CCDC178: variants seen among roughly 807,000 people sequenced by gnomAD.
CCDC178 encodes coiled-coil domain-containing protein 178.
In CCDC178, 126 loss-of-function variants were observed where a neutral mutation model predicts 117.4. The observed-to-expected ratio is 1.07, with a 90% CI of 0.93 to 1.24. The LOEUF (loss-of-function observed/expected upper bound fraction) is 1.24. CCDC178 is among the 50% of genes most tolerant of loss of function. CCDC178 has a pLI of 0.00. For synonymous variants in CCDC178, 283 were observed against 313.4 expected (o/e 0.90, Z 1.02); for missense variants, 1,030 against 986.9 (o/e 1.04, Z -0.59).
At chr18:33,190,487 T>G (rs1205120903) in intron 20 of CCDC178, among the ~76,000 whole-genome samples, 2 of 152,190 alleles carry the variant, frequency 1.3e-5, no homozygotes, top group African/African-American at 4.8e-5. Context: ...GTTTCTTCCT[T>G]TCTATAATTT....
chr18:33,368,474 A>G (rs2144752443), intron 6 of CCDC178, among the ~76,000 whole-genome samples: 1 of 152,032 alleles, frequency 6.6e-6, no homozygotes, highest in East Asian at 1.9e-4. Context: ...TTACATGAGA[A>G]TAGCTCTTTT....
intron 12 of CCDC178, among the ~76,000 whole-genome samples, chr18:33,288,323 C>T (rs1343996957): frequency 1.8e-5 from 2 of 113,300 alleles, no homozygotes; most frequent in Non-Finnish European, 3.7e-5. Flanking sequence ...CTCTCCCCTC[C>T]TCTTCCCTCC....
At chr18:33,188,048 G>A (rs1054706158) in intron 20 of CCDC178, among the ~76,000 whole-genome samples, 3 of 152,076 alleles carry the variant, frequency 2.0e-5, no homozygotes, top group Non-Finnish European at 4.4e-5. Context: ...GAGTGACCTG[G>A]GGAAATATTC....
At chr18:33,433,353 T>C (rs1457387701) in intron 2 of CCDC178, among the ~76,000 whole-genome samples, 1 of 152,176 alleles carries the variant, frequency 6.6e-6, no homozygotes, top group Non-Finnish European at 1.5e-5. Context: ...TTCTAGTTCA[T>C]ATGAGCTACC....
At chr18:33,227,968 T>G (rs530255035) in intron 15 of CCDC178, among the ~76,000 whole-genome samples, 5 of 152,348 alleles carry the variant, frequency 3.3e-5, no homozygotes, top group African/African-American at 9.6e-5. Context: ...TTCAGTTTGT[T>G]TATTATTTAA....
At chr18:33,314,516 G>C (rs6507011) in intron 11 of CCDC178, among the ~76,000 whole-genome samples, 40,926 of 151,834 alleles carry the variant, frequency 0.27, 5,786 homozygotes, top group East Asian at 0.49. Flanking sequence ...AAATAAAACT[G>C]AAGCCTTGTG....
rs1291543197 is a variant in CCDC178, at chr18:32,974,547, C to T, written c.2523G>A (p.Gln841=). 6.2e-7 allele frequency: 1 copy of T among 1,613,168 alleles called. No individual in the cohort carries two copies. The highest frequency in any genetic ancestry group is 1.3e-5 in the African/African-American group (1 of 74,900). ...QESIQKILAV[Q]EESSNLMQHI... The stretch of plus-strand genomic sequence containing the variant: ...TTCCTACTTCCCTGCAATCACCTAC[C>T]TGCACAGCTAATATTTTCTGAATAC... The change falls in exon 22 of 23, where the codon CAG becomes CAA. Residue 841 remains glutamine (Q), a splice_region_variant and synonymous_variant. Transcript: ENST00000383096.
intron 20 of CCDC178, among the ~76,000 whole-genome samples, chr18:33,207,311 T>C (rs1599000455): frequency 6.6e-6 from 1 of 152,212 alleles, no homozygotes; most frequent in African/African-American, 2.4e-5. Context: ...TATTCTAAAT[T>C]AAATGTTTGT....
intron 21 of CCDC178, among the ~76,000 whole-genome samples, chr18:33,046,819 G>T (rs953096641): frequency 6.6e-6 from 1 of 152,234 alleles, no homozygotes; most frequent in South Asian, 2.1e-4. Flanking sequence ...CCCTACAGAA[G>T]AGGGACCTGA....
chr18:32,961,239 G>A (rs1266845415), intron 22 of CCDC178, among the ~76,000 whole-genome samples: 1 of 151,904 alleles, frequency 6.6e-6, no homozygotes, highest in Non-Finnish European at 1.5e-5. Flanking sequence ...TCTACTTTAA[G>A]TTTTCTCAAT....
intron 5 of CCDC178, among the ~76,000 whole-genome samples, chr18:33,380,009 G>C (rs1416656626): frequency 6.6e-6 from 1 of 152,106 alleles, no homozygotes; most frequent in Non-Finnish European, 1.5e-5. Context: ...TAAAGAGAAG[G>C]CCAGCTTAGG....
chr18:33,220,003 A>G (rs1379564758), intron 18 of CCDC178, among the ~76,000 whole-genome samples: 4 of 152,060 alleles, frequency 2.6e-5, no homozygotes, highest in African/African-American at 9.7e-5. Context: ...TGTTAGCAAT[A>G]AGAACTTTCA....
At chr18:33,154,292 G>A (rs975682837) in intron 20 of CCDC178, among the ~76,000 whole-genome samples, 1 of 152,062 alleles carries the variant, frequency 6.6e-6, no homozygotes, top group Admixed American at 6.6e-5. Flanking sequence ...AAAAATCAAC[G>A]GACTTCAGAG....
intron 2 of CCDC178, among the ~76,000 whole-genome samples, chr18:33,436,958 CTT>C (rs551426330): frequency 6.6e-6 from 1 of 152,058 alleles, no homozygotes; most frequent in African/African-American, 2.4e-5. Context: ...CCTCTAGGTC[CTT>C]TTTCATGCAT....
chr18:33,215,169 T>G (rs1201818491), intron 19 of CCDC178, among the ~76,000 whole-genome samples: 1 of 151,946 alleles, frequency 6.6e-6, no homozygotes, highest in Non-Finnish European at 1.5e-5. Flanking sequence ...AATATCTGAG[T>G]CTGAACTCTT....
rs1040466196 is a variant in CCDC178, at chr18:33,125,053, A to AT, written c.2239-32144dup. Reference sequence around the variant, plus strand: ...AGTGTTTAGCACCTGTTGCCAGGAGATTTTTTTTTTCCTGTTTTTGGCAAT... The same window carrying AT: ...AGTGTTTAGCACCTGTTGCCAGGAGATTTTTTTTTTTCCTGTTTTTGGCAAT... On this transcript the variant is annotated intron_variant, in intron 20 of 22. Coordinates refer to ENST00000383096, the MANE Select transcript of CCDC178 (RefSeq NM_001105528.4). Among the ~76,000 whole-genome samples, 521 of 149,722 alleles carry AT rather than the reference A, an allele frequency of 3.5e-3. 4 individuals carry two copies. The highest frequency in any genetic ancestry group is 0.01 in the Middle Eastern group (3 of 290).
chr18:33,127,747 A>G (rs1399139312), intron 20 of CCDC178, among the ~76,000 whole-genome samples: 1 of 152,074 alleles, frequency 6.6e-6, no homozygotes, highest in African/African-American at 2.4e-5. Flanking sequence ...ATCAGTTGGT[A>G]TTTTTAACAG....
intron 20 of CCDC178, among the ~76,000 whole-genome samples, chr18:33,127,385 T>G (rs2058019966): frequency 6.6e-6 from 1 of 152,188 alleles, no homozygotes; most frequent in Non-Finnish European, 1.5e-5. Context: ...GATTTTATTC[T>G]TAAAGACCAA....
chr18:33,331,025 G>GTTTTTTTT (rs1315738648), intron 10 of CCDC178, among the ~76,000 whole-genome samples: 1 of 55,168 alleles, frequency 1.8e-5, no homozygotes, highest in Non-Finnish European at 2.9e-5. Context: ...CACAAACATT[G>GTTTTTTTT]CTTTTTTTTT....
Sources: allele counts gnomAD v4.1 joint callset (sites outside exome capture counted in the v4.1 genomes callset), GRCh38; gene constraint gnomAD v4.1.1; transcripts MANE v1.5; gene names NCBI Gene and HGNC (gene_info 2026-07-23, HGNC 2026-07-21).